KCNQ3: variants seen among roughly 807,000 people sequenced by gnomAD.
KCNQ3 encodes the protein potassium voltage-gated channel subfamily Q member 3.
In KCNQ3, 30 loss-of-function variants were observed where a neutral mutation model predicts 92.5. The observed-to-expected ratio is 0.32, with a 90% CI of 0.24 to 0.44. The LOEUF (loss-of-function observed/expected upper bound fraction) is 0.44, where lower values mean the gene tolerates loss of function less well. Ranked by LOEUF, KCNQ3 falls within the 20% of genes least tolerant of loss-of-function variation. The probability of loss-of-function intolerance (pLI) is 1.00; values close to 1 mark genes in which losing one functional copy is unlikely to be tolerated. For synonymous variants in KCNQ3, 450 were observed against 468.8 expected (o/e 0.96, Z 0.52); for missense variants, 913 against 1,140.3 (o/e 0.80, Z 2.87).
At chr8:132,450,115 A>G (rs1006040137) in intron 1 of KCNQ3, among the ~76,000 whole-genome samples, 3 of 152,206 alleles carry the variant, frequency 2.0e-5, no homozygotes, top group Non-Finnish European at 2.9e-5. Context: ...AAGCTTCCAC[A>G]GCATGGAAGG....
At chr8:132,324,874 C>A (rs1002705600) in intron 1 of KCNQ3, among the ~76,000 whole-genome samples, 1 of 152,184 alleles carries the variant, frequency 6.6e-6, no homozygotes, top group African/African-American at 2.4e-5. Flanking sequence ...AGCTTTCCTG[C>A]AACTCAGCTC....
intron 1 of KCNQ3, among the ~76,000 whole-genome samples, chr8:132,453,741 C>A (rs922900911): frequency 1.3e-5 from 2 of 152,148 alleles, no homozygotes; most frequent in African/African-American, 4.8e-5. Context: ...AATCCACACA[C>A]AACAGACTCC....
chr8:132,216,683 G>T (rs1037107075), intron 1 of KCNQ3, among the ~76,000 whole-genome samples: 1 of 152,162 alleles, frequency 6.6e-6, no homozygotes, highest in East Asian at 1.9e-4. Context: ...CACAAAAAAA[G>T]GGGTGCAGAG....
chr8:132,377,854 G>T (rs1172820260), intron 1 of KCNQ3, among the ~76,000 whole-genome samples: 1 of 152,094 alleles, frequency 6.6e-6, no homozygotes, highest in African/African-American at 2.4e-5. Context: ...ATAATTAAAT[G>T]AATTCACTCC....
chr8:132,377,812 T>G (rs2673613), intron 1 of KCNQ3, among the ~76,000 whole-genome samples: 84,929 of 152,016 alleles, frequency 0.56, 26,611 homozygotes, highest in African/African-American at 0.87. Context: ...ATAAAATAGG[T>G]ATAACAAGGT....
At chr8:132,279,973 G>A (rs376245894) in intron 1 of KCNQ3, among the ~76,000 whole-genome samples, 1 of 152,136 alleles carries the variant, frequency 6.6e-6, no homozygotes, top group African/African-American at 2.4e-5. Context: ...TATGAGTACT[G>A]ATGGAGAGTC....
At chr8:132,225,769 G>T (rs1814393281) in intron 1 of KCNQ3, among the ~76,000 whole-genome samples, 1 of 152,146 alleles carries the variant, frequency 6.6e-6, no homozygotes, top group African/African-American at 2.4e-5. Flanking sequence ...TACTTACAGA[G>T]TCCAGGCTAA....
intron 1 of KCNQ3, among the ~76,000 whole-genome samples, chr8:132,309,209 T>G (rs1817520824): frequency 6.6e-6 from 1 of 152,234 alleles, no homozygotes. Context: ...GGACTTGGAC[T>G]GGCTTTGTGT....
At chr8:132,451,633 G>T (rs1202546204) in intron 1 of KCNQ3, among the ~76,000 whole-genome samples, 1 of 152,254 alleles carries the variant, frequency 6.6e-6, no homozygotes, top group Non-Finnish European at 1.5e-5. Flanking sequence ...AAACAGAAAT[G>T]TAGGTGCAGG....
intron 1 of KCNQ3, among the ~76,000 whole-genome samples, chr8:132,192,445 C>T (rs1431560244): frequency 1.3e-5 from 2 of 152,294 alleles, no homozygotes; most frequent in African/African-American, 4.8e-5. Flanking sequence ...AAGGATGTGG[C>T]GCTGAACGTG....
At chr8:132,215,811 T>C (rs1315497536) in intron 1 of KCNQ3, among the ~76,000 whole-genome samples, 1 of 152,100 alleles carries the variant, frequency 6.6e-6, no homozygotes, top group African/African-American at 2.4e-5. Context: ...TGTTCCAGAG[T>C]TCCCCTGTGG....
rs140581446 is a variant in KCNQ3 at position 132,410,803 on chromosome 8, G to A, written c.386+69344C>T. ...CTCTGGAGAGAGATTTTTGGAGACCGCTTAGCTAATTTATAGATAGCGTGA... is the reference window on the plus strand; with the variant it reads ...CTCTGGAGAGAGATTTTTGGAGACCACTTAGCTAATTTATAGATAGCGTGA... On this transcript the variant is annotated intron_variant, in intron 1 of 14. Transcript: ENST00000388996. Among the ~76,000 whole-genome samples, 14 of 152,320 alleles carry A rather than the reference G, an allele frequency of 9.2e-5. No homozygotes were observed. In the East Asian group the frequency reaches 2.3e-3, roughly 25 times the overall value.
At position 132,129,123 on chromosome 8, in the gene KCNQ3, T is replaced by C; in HGVS notation, c.*139A>G. ...GGAGGAAGAGGCTGTGGGAAGCCCCTGCCTGGGTGGGGCCACCACGCACAC... is the reference window on the plus strand; with the variant it reads ...GGAGGAAGAGGCTGTGGGAAGCCCCCGCCTGGGTGGGGCCACCACGCACAC... On this transcript the variant is annotated 3_prime_UTR_variant, in exon 15 of 15. Transcript: ENST00000388996. The surrounding 1 kb of genome is among the most constrained non-coding windows in gnomAD (Gnocchi z 5.9). The C allele has an allele frequency of 2.0e-6, 2 of 982,246 alleles. No individual in the cohort carries two copies. The highest frequency in any genetic ancestry group is 1.5e-6 in the Non-Finnish European group (1 of 654,034). The allele number at this position is 982,246 out of a possible 1,614,324, so 60.8% of individuals were successfully genotyped here. A position where few individuals can be genotyped will look rare whatever the true frequency, so the allele number is the denominator to read the frequency against.
chr8:132,234,953 G>T (rs185761619), intron 1 of KCNQ3, among the ~76,000 whole-genome samples: 1 of 152,226 alleles, frequency 6.6e-6, no homozygotes, highest in African/African-American at 2.4e-5. Context: ...CCGTGGTGAT[G>T]GTTGCCCAAC....
intron 1 of KCNQ3, among the ~76,000 whole-genome samples, chr8:132,297,307 G>C (rs1347910944): frequency 6.6e-6 from 1 of 151,944 alleles, no homozygotes; most frequent in Non-Finnish European, 1.5e-5. Flanking sequence ...TGTCAGATGA[G>C]TAGGTTGCGA....
chr8:132,136,388 T>TAAC (rs1825094428), intron 12 of KCNQ3, among the ~76,000 whole-genome samples: 1 of 152,106 alleles, frequency 6.6e-6, no homozygotes, highest in East Asian at 1.9e-4. Context: ...ATTGACATCA[T>TAAC]AACTGCCCGT....
intron 9 of KCNQ3, among the ~76,000 whole-genome samples, chr8:132,154,192 A>ATTTTTTTTTTTTTTTTTTTTTTTTTTT (rs1563775830): frequency 2.9e-5 from 3 of 104,476 alleles, no homozygotes; most frequent in African/African-American, 6.6e-5. Context: ...AAAGGGTAAA[A>ATTTTTTTTTTTTTTTTTTTTTTTTTTT]GTTTTTTTTT....
chr8:132,129,095 TGG>T lies in KCNQ3; in HGVS notation c.*165_*166del. 2.9e-6 allele frequency: 2 copies of T among 686,434 alleles called. No individual in the cohort carries two copies. Among genetic ancestry groups the T allele is most frequent in the Non-Finnish European group, 2.5e-6 (1 of 402,290 alleles). The allele number at this position is 686,434 out of a possible 1,614,324, so 42.5% of individuals were successfully genotyped here. A position where few individuals can be genotyped will look rare whatever the true frequency, so the allele number is the denominator to read the frequency against. ...AAGGAAGCACTTTGTTGTGGTGACA[TGG>T]GGAGGAAGAGGCTGTGGGAAGCCCC... On this transcript the variant is annotated 3_prime_UTR_variant, in exon 15 of 15. Coordinates refer to ENST00000388996, the MANE Select transcript of KCNQ3 (RefSeq NM_004519.4). This position sits in a 1 kb window ranked among gnomAD's most constrained non-coding sequence, Gnocchi z 5.9.
In KCNQ3 at chr8:132,213,464, C is replaced by G. The variant is rs113635709; in HGVS notation, c.387-27283G>C. On this transcript the variant is annotated intron_variant, in intron 1 of 14. Coordinates refer to ENST00000388996, the MANE Select transcript of KCNQ3 (RefSeq NM_004519.4). ...CCTTGAAGGAGTTTTCCCAGTTTGGCAGGACAGGCTATTTCATTTTTCTGT... is the reference window on the plus strand; with the variant it reads ...CCTTGAAGGAGTTTTCCCAGTTTGGGAGGACAGGCTATTTCATTTTTCTGT... Among the ~76,000 whole-genome samples the G allele has an allele frequency of 8.6e-3, 1,312 of 152,306 alleles. 21 individuals carry two copies. The highest frequency in any genetic ancestry group is 0.03 in the African/African-American group (1,252 of 41,548).
Sources: gnomAD v4.1 joint callset for allele counts (sites outside exome capture counted in the v4.1 genomes callset) on GRCh38, gnomAD v4.1.1 for gene constraint, Gnocchi (gnomAD v3.1) non-coding constraint, MANE v1.5 for transcripts, NCBI Gene and HGNC (gene_info 2026-07-23, HGNC 2026-07-21) for gene names.